Variants in ONECUT2 observed in about 807,000 individuals in gnomAD.
ONECUT2 encodes the protein one cut homeobox 2.
ONECUT2 carries 10 observed loss-of-function variants against 27.9 expected under a neutral mutation model. The observed-to-expected ratio is 0.36, with a 90% CI of 0.22 to 0.61. The LOEUF (loss-of-function observed/expected upper bound fraction) is 0.61. Ranked by LOEUF, ONECUT2 falls within the 20% of genes least tolerant of loss-of-function variation. The probability of loss-of-function intolerance (pLI) is 0.73; values close to 1 mark genes in which losing one functional copy is unlikely to be tolerated. For synonymous variants in ONECUT2, 334 were observed against 315.1 expected (o/e 1.06, Z -0.64); for missense variants, 686 against 721.0 (o/e 0.95, Z 0.56).
chr18:57,454,936 T>A (rs143554842), intron 1 of ONECUT2, among the ~76,000 whole-genome samples: 27 of 152,354 alleles, frequency 1.8e-4, no homozygotes, highest in African/African-American at 6.5e-4. Context: ...TGGTATGTAT[T>A]GAGCAGACAT....
chr18:57,463,417 G>A (rs1029764764), intron 1 of ONECUT2, among the ~76,000 whole-genome samples: 1 of 152,028 alleles, frequency 6.6e-6, no homozygotes, highest in African/African-American at 2.4e-5. Context: ...ACTGTTCTTC[G>A]ATTTTTTTGC....
At chr18:57,452,606 G>A (rs2050236841) in intron 1 of ONECUT2, among the ~76,000 whole-genome samples, 1 of 152,086 alleles carries the variant, frequency 6.6e-6, no homozygotes, top group African/African-American at 2.4e-5. Context: ...CATATTTTTA[G>A]TAGAGATGGG....
rs1268490338 is a variant in ONECUT2, at chr18:57,490,136, T to C, written c.*13413T>C. 6.6e-6 allele frequency: 1 copy of C among 152,170 alleles called. No homozygotes were observed. The highest frequency in any genetic ancestry group is 1.5e-5 in the Non-Finnish European group (1 of 68,044). 9.4% of individuals were successfully genotyped at this position (152,170 alleles called of 1,614,324 possible). A position where few individuals can be genotyped will look rare whatever the true frequency, so the allele number is the denominator to read the frequency against. On this transcript the variant is annotated 3_prime_UTR_variant, in exon 2 of 2. Coordinates refer to ENST00000491143, the MANE Select transcript of ONECUT2 (RefSeq NM_004852.3). ...AGGGAAAGAGCTGGTCCATTTTTTTTCATTCTTTCTATTCAAATTTTTCCA... is the reference window on the plus strand; with the variant it reads ...AGGGAAAGAGCTGGTCCATTTTTTTCCATTCTTTCTATTCAAATTTTTCCA...
intron 1 of ONECUT2, 145 bp from the exon 2 acceptor site, chr18:57,476,292 G>A: frequency 1.3e-6 from 1 of 774,398 alleles, no homozygotes; most frequent in Non-Finnish European, 2.0e-6. Context: ...GAGATTACAG[G>A]GAAGGCTGGT....
At chr18:57,456,821 A>G (rs1351486347) in intron 1 of ONECUT2, among the ~76,000 whole-genome samples, 2 of 152,196 alleles carry the variant, frequency 1.3e-5, no homozygotes, top group Non-Finnish European at 2.9e-5. Flanking sequence ...AAAAATAGAA[A>G]AACAAAAAGC....
intron 1 of ONECUT2, among the ~76,000 whole-genome samples, chr18:57,470,488 A>G (rs552420732): frequency 7.2e-5 from 11 of 152,278 alleles, no homozygotes; most frequent in African/African-American, 2.2e-4. Context: ...GAAATTCCCA[A>G]TGGGGGATCC....
In ONECUT2 at chr18:57,490,127, C is replaced by T. The variant is rs2050457774; in HGVS notation, c.*13404C>T. 6.6e-6 allele frequency: 1 copy of T among 152,104 alleles called. No homozygotes were observed. The allele number at this position is 152,104 out of a possible 1,614,324, so 9.4% of individuals were successfully genotyped here. ...CTGGACCAGAGGGAAAGAGCTGGTCCATTTTTTTTCATTCTTTCTATTCAA... is the reference window on the plus strand; with the variant it reads ...CTGGACCAGAGGGAAAGAGCTGGTCTATTTTTTTTCATTCTTTCTATTCAA... On this transcript the variant is annotated 3_prime_UTR_variant, in exon 2 of 2. Coordinates refer to ENST00000491143, the MANE Select transcript of ONECUT2 (RefSeq NM_004852.3).
rs1440620100 is a variant in ONECUT2, at chr18:57,483,573, CTTAT to C, written c.*6855_*6858del. On this transcript the variant is annotated 3_prime_UTR_variant, in exon 2 of 2. Coordinates refer to ENST00000491143, the MANE Select transcript of ONECUT2 (RefSeq NM_004852.3). ...CCTTAGTTTGATTCTACTCCTTGTACTTATTTATCAAAACCTAGACCAATGGTGC... is the reference window on the plus strand; with the variant it reads ...CCTTAGTTTGATTCTACTCCTTGTACTTATCAAAACCTAGACCAATGGTGC... 6.6e-6 allele frequency: 1 copy of C among 152,458 alleles called. No homozygotes were observed. The highest frequency in any genetic ancestry group is 2.4e-5 in the African/African-American group (1 of 41,388). The allele number at this position is 152,458 out of a possible 1,614,324, so 9.4% of individuals were successfully genotyped here.
chr18:57,483,077 T>A lies in ONECUT2; in HGVS notation c.*6354T>A, dbSNP rs2050423124. On this transcript the variant is annotated 3_prime_UTR_variant, in exon 2 of 2. Coordinates refer to ENST00000491143, the MANE Select transcript of ONECUT2 (RefSeq NM_004852.3). ...GTTGAATAGCTTTATTCTGGATTTTTCATAACTAAAGCTAAATCCAAAGAC... is the reference window on the plus strand; with the variant it reads ...GTTGAATAGCTTTATTCTGGATTTTACATAACTAAAGCTAAATCCAAAGAC... 1 of 151,224 alleles carries A rather than the reference T, an allele frequency of 6.6e-6. No individual in the cohort carries two copies. Among genetic ancestry groups the A allele is most frequent in the Non-Finnish European group, 1.5e-5 (1 of 67,876 alleles). 9.4% of individuals were successfully genotyped at this position (151,224 alleles called of 1,614,324 possible).
At chr18:57,453,905 G>A (rs1472968661) in intron 1 of ONECUT2, among the ~76,000 whole-genome samples, 2 of 152,104 alleles carry the variant, frequency 1.3e-5, no homozygotes, top group African/African-American at 4.8e-5. Flanking sequence ...TGCTACTGAG[G>A]ACAGAAGAAC....
chr18:57,486,765 A>T lies in ONECUT2; in HGVS notation c.*10042A>T, dbSNP rs2050440849. The T allele has an allele frequency of 6.6e-6, 1 of 152,640 alleles. No homozygotes were observed. The highest frequency in any genetic ancestry group is 1.5e-5 in the Non-Finnish European group (1 of 68,020). 9.5% of individuals were successfully genotyped at this position (152,640 alleles called of 1,614,324 possible). A position where few individuals can be genotyped will look rare whatever the true frequency, so the allele number is the denominator to read the frequency against. On this transcript the variant is annotated 3_prime_UTR_variant, in exon 2 of 2. Transcript: ENST00000491143. ...GTTGCAGAATGAGCCCAAAGTTTAC[A>T]GTTTCATATTTTGCTGAAGAAACAA...
Position 57,436,281 on chromosome 18 carries a change from G to T in ONECUT2, c.565G>T (p.Gly189Cys). The change falls in exon 1 of 2, where the codon GGC (glycine) becomes TGC (cysteine). Residue 189 changes from glycine to cysteine, a missense_variant. By Grantham distance (159) the Gly-to-Cys change is radical (BLOSUM62 -3). This residue lies in a region of ONECUT2 where 511 missense variants were observed against 488.1 expected (regional missense o/e 1.05). Transcript: ENST00000491143. The surrounding 1 kb of genome is among the most constrained non-coding windows in gnomAD (Gnocchi z 5.9). ...CCACCACCACCACCAGCGCCTGTCC[G>T]GCAACGTCAGCGGCAGCTTCACCCT... ...HHHHHHQRLS[G>C]NVSGSFTLMR... The T allele has an allele frequency of 6.2e-7, 1 of 1,604,526 alleles. No individual in the cohort carries two copies.
chr18:57,461,819 A>G (rs540501561), intron 1 of ONECUT2, among the ~76,000 whole-genome samples: 1 of 152,368 alleles, frequency 6.6e-6, no homozygotes, highest in East Asian at 1.9e-4. Context: ...TGGCAGCCAG[A>G]CAAAGCCCTC....
intron 1 of ONECUT2, among the ~76,000 whole-genome samples, chr18:57,466,590 G>A (rs1434888665): frequency 3.9e-5 from 6 of 152,242 alleles, no homozygotes; most frequent in African/African-American, 1.4e-4. Context: ...TGCATAGGCA[G>A]AAGAGATGAC....
At chr18:57,438,427 C>T (rs1232722945) in intron 1 of ONECUT2, among the ~76,000 whole-genome samples, 1 of 152,222 alleles carries the variant, frequency 6.6e-6, no homozygotes, top group Admixed American at 6.5e-5. Context: ...TCGCACAGCT[C>T]GCTTCCGGAG....
chr18:57,441,146 C>T (rs1266664709), intron 1 of ONECUT2, among the ~76,000 whole-genome samples: 2 of 152,330 alleles, frequency 1.3e-5, no homozygotes, highest in Middle Eastern at 3.4e-3. Flanking sequence ...ATTTTTATTC[C>T]AGGCTTTCCA....
intron 1 of ONECUT2, among the ~76,000 whole-genome samples, chr18:57,450,236 C>T (rs541836091): frequency 2.6e-5 from 4 of 152,200 alleles, no homozygotes; most frequent in African/African-American, 4.8e-5. Context: ...TGCAGTGGTG[C>T]GATCTCGGCT....
In ONECUT2 at chr18:57,476,636, C is replaced by T. The variant is rs541236633; in HGVS notation, c.1428C>T (p.Asn476=). The T allele has an allele frequency of 6.0e-5, 97 of 1,614,176 alleles. 3 individuals are homozygous for T. The highest frequency in any genetic ancestry group is 4.0e-4 in the South Asian group (36 of 91,080). Residue 476 remains asparagine (N), a synonymous_variant, in exon 2 of 2, where the codon AAC becomes AAT. Transcript: ENST00000491143. ...ELTTVSNFFM[N]ARRRSLEKWQ... Reference sequence around the variant, plus strand: ...CAACCGTCAGCAACTTCTTCATGAACGCCCGGCGCCGCAGCCTGGAGAAGT... The same window carrying T: ...CAACCGTCAGCAACTTCTTCATGAATGCCCGGCGCCGCAGCCTGGAGAAGT...
At chr18:57,471,424 G>T (rs1455660855) in intron 1 of ONECUT2, among the ~76,000 whole-genome samples, 2 of 152,196 alleles carry the variant, frequency 1.3e-5, no homozygotes, top group Non-Finnish European at 2.9e-5. Context: ...GGGAAGATCA[G>T]CTATGGGGAG....
Sources: gnomAD v4.1 joint callset for allele counts (sites outside exome capture counted in the v4.1 genomes callset) on GRCh38, gnomAD v4.1.1 for gene constraint, gnomAD v4.1.1 regional missense constraint, Gnocchi (gnomAD v3.1) non-coding constraint, MANE v1.5 for transcripts, NCBI Gene and HGNC (gene_info 2026-07-23, HGNC 2026-07-21) for gene names.